Variants in LRIT1 observed in about 807,000 individuals in gnomAD.
LRIT1 encodes the protein leucine-rich repeat, immunoglobulin-like domain and transmembrane domain-containing protein 1.
In LRIT1, 23 loss-of-function variants were observed where a neutral mutation model predicts 24.0. The ratio of observed to expected loss-of-function variants is 0.96; its 90% CI spans 0.69 to 1.36. LRIT1 has a LOEUF of 1.36. Ranked by LOEUF, LRIT1 falls within the 40% of genes most tolerant of loss-of-function variation. The probability of loss-of-function intolerance (pLI) is 0.00; values close to 1 mark genes in which losing one functional copy is unlikely to be tolerated. For synonymous variants in LRIT1, 361 were observed against 340.5 expected, an observed-to-expected ratio of 1.06 and a Z score of -0.66; for missense variants, 846 against 806.3, an observed-to-expected ratio of 1.05 and a Z score of -0.60.
chr10:84,231,934 A>G lies in LRIT1; in HGVS notation c.1865T>C (p.Phe622Ser), dbSNP rs750825701. 6 of 1,603,714 alleles carry G rather than the reference A, an allele frequency of 3.7e-6. No individual in the cohort carries two copies. Among genetic ancestry groups the G allele is most frequent in the Non-Finnish European group, 5.1e-6 (6 of 1,173,018 alleles). The change falls in exon 4 of 4, where the codon TTC becomes TCC. Residue 622 changes from phenylalanine to serine, a missense_variant. By Grantham distance (155) the Phe-to-Ser change is radical. Coordinates refer to ENST00000372105, the MANE Select transcript of LRIT1 (RefSeq NM_015613.3). Reference sequence around the variant, plus strand: ...GTTGCGGAGGCATATCCCTCAGCAGAAGTACTCATTGATTCTCCTGCCCCC... The same window carrying G: ...GTTGCGGAGGCATATCCCTCAGCAGGAGTACTCATTGATTCTCCTGCCCCC... ...VKGGRRINEYFC is the reference protein window; with the variant it reads ...VKGGRRINEYSC
intron 1 of LRIT1, 21 bp from the exon 2 acceptor site, chr10:84,237,707 T>G: frequency 6.5e-6 from 10 of 1,543,630 alleles, no homozygotes; most frequent in Middle Eastern, 1.7e-4. Context: ...AAATGAGGGA[T>G]AGTTGAGCAA....
chr10:84,238,999 T>C (rs1028267867), intron 1 of LRIT1, among the ~76,000 whole-genome samples: 1 of 152,232 alleles, frequency 6.6e-6, no homozygotes, highest in Non-Finnish European at 1.5e-5. Flanking sequence ...CATAACCTAC[T>C]GGTGATATCA....
At chr10:84,234,492 T>A in intron 2 of LRIT1, 114 bp from the exon 3 acceptor site, 2 of 799,928 alleles carry the variant, frequency 2.5e-6, no homozygotes, top group Non-Finnish European at 3.8e-6. Flanking sequence ...TCAGCAGAAC[T>A]GGCCTCTGGA....
At chr10:84,241,204 G>A (rs952929259) in intron 1 of LRIT1, 114 bp downstream of exon 1, 13 of 1,503,060 alleles carry the variant, frequency 8.6e-6, no homozygotes, top group Non-Finnish European at 1.0e-5. Flanking sequence ...GGTCCTCAAG[G>A]GCCAAGGGAG....
Position 84,237,649 on chromosome 10 carries a change from G to C in LRIT1, c.160C>G (p.Pro54Ala), listed in dbSNP as rs773647601. 6.2e-6 allele frequency: 10 copies of C among 1,604,912 alleles called. No individual in the cohort carries two copies. Among genetic ancestry groups the C allele is most frequent in the Admixed American group, 3.3e-5 (2 of 59,738 alleles). The change falls in exon 2 of 4, where the codon CCG (proline) becomes GCG (alanine). Residue 54 changes from proline (P) to alanine (A), a missense_variant. Transcript: ENST00000372105. Reference protein sequence around the residue: ...VCNDPDMTLPPASIPPDTSRL... With the variant: ...VCNDPDMTLPAASIPPDTSRL... The stretch of plus-strand genomic sequence containing the variant: ...GAGGTGTCCGGGGGGATGGACGCCG[G>C]GGGCAGGGTCATGTCGGGGTCGTTG...
intron 2 of LRIT1, among the ~76,000 whole-genome samples, chr10:84,236,345 A>G (rs112332043): frequency 0.025 from 3,756 of 152,290 alleles, 142 homozygotes; most frequent in African/African-American, 0.08. Flanking sequence ...GTTGCATCAT[A>G]GGTGTTACCA....
At chr10:84,239,806 G>C (rs1842678574) in intron 1 of LRIT1, among the ~76,000 whole-genome samples, 1 of 152,196 alleles carries the variant, frequency 6.6e-6, no homozygotes, top group East Asian at 1.9e-4. Flanking sequence ...TCTGAGGAAG[G>C]CTTCTGACAT....
rs559739593 is a variant in LRIT1, at chr10:84,237,820, G to A, written c.123-134C>T. On this transcript the variant is annotated intron_variant, in intron 1 of 3. Coordinates refer to ENST00000372105, the MANE Select transcript of LRIT1 (RefSeq NM_015613.3). ...CCCACACCAGAGTCCAAGCCATGACGGGGACCTGGAGAGGGGCCCGGAGTA... is the reference window on the plus strand; with the variant it reads ...CCCACACCAGAGTCCAAGCCATGACAGGGACCTGGAGAGGGGCCCGGAGTA... 1.2e-4 allele frequency: 86 copies of A among 691,982 alleles called. No individual in the cohort carries two copies. In the African/African-American group the frequency reaches 1.3e-3, roughly 10 times the overall value. The allele number at this position is 691,982 out of a possible 1,614,324, so 42.9% of individuals were successfully genotyped here.
chr10:84,231,981 G>A lies in LRIT1; in HGVS notation c.1818C>T (p.Asp606=). ...DRLLSARSSV[D]FQAFGVKGGR... ...CCCCTTTGACTCCAAAGGCCTGAAA[G>A]TCCACACTGGAACGAGCTGAGAGAA... is the stretch of plus-strand genomic sequence containing the variant. Residue 606 remains aspartate (D), a synonymous_variant, in exon 4 of 4, where the codon GAC becomes GAT. Coordinates refer to ENST00000372105, the MANE Select transcript of LRIT1 (RefSeq NM_015613.3). 1 of 1,613,848 alleles carries A rather than the reference G, an allele frequency of 6.2e-7. No homozygotes were observed. Among genetic ancestry groups the A allele is most frequent in the Non-Finnish European group, 8.5e-7 (1 of 1,179,866 alleles).
rs747785093 is a variant in LRIT1 at position 84,237,617 on chromosome 10, CA to C, written c.191del (p.Leu64ArgfsTer104). On this transcript the variant is annotated frameshift_variant, in exon 2 of 4. Transcript: ENST00000372105. LOFTEE classifies it high-confidence loss of function. ...TGCGTATGGCCGTCCGCTCCAGGCG[CA>C]GTCTGGAGGTGTCCGGGGGGATGGA... ...PASIPPDTSR[L>X]RLERTAIRRV... The C allele has an allele frequency of 6.2e-7, 1 of 1,607,002 alleles. No homozygotes were observed. Among genetic ancestry groups the C allele is most frequent in the East Asian group, 2.2e-5 (1 of 44,860 alleles).
chr10:84,233,333 A>AAT (rs554681301), intron 3 of LRIT1, among the ~76,000 whole-genome samples: 2,741 of 147,796 alleles, frequency 0.019, 42 homozygotes, highest in Non-Finnish European at 0.028. Flanking sequence ...CAAGCCTAGG[A>AAT]ATATATATAT....
rs375680820 is a variant in LRIT1 at position 84,232,168 on chromosome 10, G to A, written c.1631C>T (p.Thr544Met). 6.0e-5 allele frequency: 97 copies of A among 1,614,082 alleles called. No homozygotes were observed. Among genetic ancestry groups the A allele is most frequent in the Middle Eastern group, 3.3e-4 (2 of 6,084 alleles). Residue 544 changes from threonine to methionine, a missense_variant, in exon 4 of 4, where the codon ACG becomes ATG. Physicochemically the swap from Thr to Met is moderately conservative, Grantham distance 81. Transcript: ENST00000372105. ...AAGAGCACTGCAGCAGACAAGCAGC[G>A]TGAGAGGCAGGGCAATGACGATGGC... ...SVAIVIALPL[T>M]LLVCCSALQK...
intron 2 of LRIT1, among the ~76,000 whole-genome samples, chr10:84,236,124 G>C (rs182813054): frequency 2.8e-3 from 427 of 151,728 alleles, no homozygotes; most frequent in Non-Finnish European, 4.5e-3. Flanking sequence ...GTGAAACCCC[G>C]TCTCTACTAA....
In LRIT1 at chr10:84,237,601, C is replaced by A. The variant is rs942189323; in HGVS notation, c.208G>T (p.Ala70Ser). The A allele has an allele frequency of 1.2e-6, 2 of 1,606,592 alleles. No individual in the cohort carries two copies. The highest frequency in any genetic ancestry group is 1.7e-6 in the Non-Finnish European group (2 of 1,179,748). The change falls in exon 2 of 4, where the codon GCC becomes TCC. Residue 70 changes from alanine (A) to serine (S), a missense_variant. Ala to Ser is a moderately conservative substitution (Grantham distance 99, BLOSUM62 1). Coordinates refer to ENST00000372105, the MANE Select transcript of LRIT1 (RefSeq NM_015613.3). ...GCCTCGCCAGGAACCCTGCGTATGG[C>A]CGTCCGCTCCAGGCGCAGTCTGGAG... ...DTSRLRLERT[A>S]IRRVPGEAFR...
rs1436919990 is a variant in LRIT1, at chr10:84,232,172, G to A, written c.1627C>T (p.Leu543Phe). 1.9e-6 allele frequency: 3 copies of A among 1,614,230 alleles called. No homozygotes were observed. The highest frequency in any genetic ancestry group is 1.3e-5 in the African/African-American group (1 of 75,048). Residue 543 changes from leucine (L) to phenylalanine (F), a missense_variant, in exon 4 of 4, where the codon CTC becomes TTC. By Grantham distance (22) the Leu-to-Phe change is conservative. Coordinates refer to ENST00000372105, the MANE Select transcript of LRIT1 (RefSeq NM_015613.3). ...ISVAIVIALP[L>F]TLLVCCSALQ... ...GCACTGCAGCAGACAAGCAGCGTGAGAGGCAGGGCAATGACGATGGCCACA... is the reference window on the plus strand; with the variant it reads ...GCACTGCAGCAGACAAGCAGCGTGAAAGGCAGGGCAATGACGATGGCCACA...
intron 1 of LRIT1, among the ~76,000 whole-genome samples, chr10:84,240,362 T>C (rs1842682556): frequency 6.6e-6 from 1 of 152,208 alleles, no homozygotes; most frequent in Admixed American, 6.5e-5. Context: ...TCATTTGAGG[T>C]GTCTTTTCTT....
chr10:84,238,430 A>C (rs1842669847), intron 1 of LRIT1, among the ~76,000 whole-genome samples: 1 of 152,192 alleles, frequency 6.6e-6, no homozygotes, highest in South Asian at 2.1e-4. Flanking sequence ...TTTAACAAAA[A>C]ATATACCAAG....
In LRIT1 at chr10:84,234,020, C is replaced by T. The variant is rs780309543; in HGVS notation, c.895+53G>A. On this transcript the variant is annotated intron_variant, in intron 3 of 3. Coordinates refer to ENST00000372105, the MANE Select transcript of LRIT1 (RefSeq NM_015613.3). The stretch of plus-strand genomic sequence containing the variant: ...TGCCAAATCCCCATTTGGGGAGCTG[C>T]TTTGCCCTCCCCAGTCTAGGTTCTC... 1,756 of 1,372,118 alleles carry T rather than the reference C, an allele frequency of 1.3e-3. 2 individuals carry two copies. The highest frequency in any genetic ancestry group is 1.5e-3 in the Non-Finnish European group (1,607 of 1,054,190). The allele number at this position is 1,372,118 out of a possible 1,614,324, so 85.0% of individuals were successfully genotyped here. A position where few individuals can be genotyped will look rare whatever the true frequency, so the allele number is the denominator to read the frequency against.
At position 84,232,779 on chromosome 10, in the gene LRIT1, A is replaced by G; in HGVS notation, c.1020T>C (p.Val340=). ...AKNFLGASET[V]ISLIVTEPPT... is the part of the protein sequence containing the mutation. ...GTGGCTCAGTGACAATCAAGGAGAT[A>G]ACAGTTTCAGAGGCTCCCAGGAAGT... Residue 340 remains valine, a synonymous_variant, in exon 4 of 4, where the codon GTT becomes GTC. Coordinates refer to ENST00000372105, the MANE Select transcript of LRIT1 (RefSeq NM_015613.3). The G allele has an allele frequency of 6.2e-7, 1 of 1,613,920 alleles. No individual in the cohort carries two copies.
Sources: allele counts gnomAD v4.1 joint callset (sites outside exome capture counted in the v4.1 genomes callset), GRCh38; gene constraint gnomAD v4.1.1; transcripts MANE v1.5; gene names NCBI Gene and HGNC (gene_info 2026-07-23, HGNC 2026-07-21).